DNM3: variants seen among roughly 807,000 people sequenced by gnomAD.
The protein encoded by DNM3 is dynamin-3.
In DNM3, 47 loss-of-function variants were observed where a neutral mutation model predicts 101.6. The observed-to-expected ratio is 0.46, with a 90% CI of 0.37 to 0.59. The LOEUF (loss-of-function observed/expected upper bound fraction) is 0.59. Ranked by LOEUF, DNM3 falls within the 20% of genes least tolerant of loss-of-function variation. DNM3 has a pLI of 0.00. For missense variants in DNM3, 849 were observed against 1,085.7 expected, an observed-to-expected ratio of 0.78 and a Z score of 3.06; for synonymous variants, 385 against 387.9, an observed-to-expected ratio of 0.99 and a Z score of 0.09.
At chr1:172,151,392 G>A (rs901258592) in intron 14 of DNM3, among the ~76,000 whole-genome samples, 3 of 152,284 alleles carry the variant, frequency 2.0e-5, no homozygotes, top group Middle Eastern at 3.4e-3. Context: ...GAGTGGAGCT[G>A]TCACTGAATG....
chr1:171,865,564 C>G (rs1254191047), intron 1 of DNM3, among the ~76,000 whole-genome samples: 1 of 145,484 alleles, frequency 6.9e-6, no homozygotes, highest in East Asian at 2.0e-4. Context: ...ACTGAAGAGG[C>G]AGGACCAAGG....
chr1:172,360,280 G>A (rs2149006939), intron 17 of DNM3, among the ~76,000 whole-genome samples: 1 of 152,054 alleles, frequency 6.6e-6, no homozygotes, highest in Non-Finnish European at 1.5e-5. Flanking sequence ...AAAATGCAAA[G>A]TTTTCTATCT....
chr1:172,282,528 T>C (rs1434477092), intron 15 of DNM3, among the ~76,000 whole-genome samples: 1 of 152,112 alleles, frequency 6.6e-6, no homozygotes, highest in African/African-American at 2.4e-5. Context: ...TTCCATCACA[T>C]CATACTAATT....
At chr1:171,972,869 AAACAAC>A (rs151021588) in intron 2 of DNM3, among the ~76,000 whole-genome samples, 9 of 151,212 alleles carry the variant, frequency 6.0e-5, no homozygotes, top group South Asian at 2.1e-4. Flanking sequence ...CAAAAAACAA[AAACAAC>A]AACAACAACA....
intron 13 of DNM3, among the ~76,000 whole-genome samples, chr1:172,118,460 C>A (rs2056077179): frequency 6.6e-6 from 1 of 152,108 alleles, no homozygotes; most frequent in Admixed American, 6.5e-5. Context: ...TTGTTGCTTC[C>A]CTTTAGGGAT....
chr1:172,318,922 A>G (rs1222174773), intron 16 of DNM3, among the ~76,000 whole-genome samples: 3 of 152,202 alleles, frequency 2.0e-5, no homozygotes, highest in Non-Finnish European at 2.9e-5. Context: ...AAGAGCCTGC[A>G]TCGCCAAGTC....
chr1:172,401,088 T>A (rs2070451954), intron 20 of DNM3, among the ~76,000 whole-genome samples: 1 of 152,208 alleles, frequency 6.6e-6, no homozygotes, highest in African/African-American at 2.4e-5. Flanking sequence ...CTTAACACAG[T>A]ACCTAGTACA....
At chr1:172,281,981 C>T (rs2063508524) in intron 15 of DNM3, among the ~76,000 whole-genome samples, 1 of 152,122 alleles carries the variant, frequency 6.6e-6, no homozygotes, top group Admixed American at 6.5e-5. Context: ...ATTCTTTGCT[C>T]TGAAATTTCT....
intron 14 of DNM3, among the ~76,000 whole-genome samples, chr1:172,217,059 T>C (rs1350232450): frequency 1.3e-5 from 2 of 152,272 alleles, no homozygotes; most frequent in Non-Finnish European, 2.9e-5. Context: ...TTTATAGTTA[T>C]TGGTTACAAT....
At chr1:171,927,838 T>C (rs2040702854) in intron 2 of DNM3, among the ~76,000 whole-genome samples, 1 of 152,202 alleles carries the variant, frequency 6.6e-6, no homozygotes, top group Non-Finnish European at 1.5e-5. Flanking sequence ...TCTATTTCTG[T>C]CATTTCAACC....
chr1:172,109,248 AC>A (rs1360083440), intron 13 of DNM3, among the ~76,000 whole-genome samples: 1 of 152,234 alleles, frequency 6.6e-6, no homozygotes, highest in Non-Finnish European at 1.5e-5. Context: ...TTCTCTTCAA[AC>A]ATCTCTTTCT....
At chr1:172,202,304 T>C (rs1212921770) in intron 14 of DNM3, among the ~76,000 whole-genome samples, 4 of 152,170 alleles carry the variant, frequency 2.6e-5, no homozygotes, top group Non-Finnish European at 5.9e-5. Flanking sequence ...CTCTAAATGT[T>C]TGGTGCAATT....
intron 14 of DNM3, among the ~76,000 whole-genome samples, chr1:172,206,588 G>A (rs1395049792): frequency 2.0e-5 from 3 of 152,026 alleles, no homozygotes; most frequent in African/African-American, 7.2e-5. Flanking sequence ...GTACAATTTG[G>A]TGCCACTGCT....
chr1:172,216,494 G>A (rs535956647), intron 14 of DNM3, among the ~76,000 whole-genome samples: 1 of 152,184 alleles, frequency 6.6e-6, no homozygotes, highest in South Asian at 2.1e-4. Context: ...GTCATGACTA[G>A]ATAAAAGACT....
intron 14 of DNM3, among the ~76,000 whole-genome samples, chr1:172,185,490 G>A (rs1222685890): frequency 6.6e-6 from 1 of 152,054 alleles, no homozygotes; most frequent in Non-Finnish European, 1.5e-5. Flanking sequence ...TTGTAACAGA[G>A]CTTCACCTAA....
chr1:172,255,022 A>G (rs530490177), intron 15 of DNM3, among the ~76,000 whole-genome samples: 26 of 152,234 alleles, frequency 1.7e-4, no homozygotes, highest in African/African-American at 6.3e-4. Flanking sequence ...CCCAGGGTCA[A>G]TCACACAGTA....
intron 1 of DNM3, among the ~76,000 whole-genome samples, chr1:171,880,241 C>T (rs1320311842): frequency 6.6e-6 from 1 of 151,866 alleles, no homozygotes; most frequent in Non-Finnish European, 1.5e-5. Flanking sequence ...TTGTATATTA[C>T]AGTCTCCAAG....
intron 1 of DNM3, among the ~76,000 whole-genome samples, chr1:171,871,784 T>C (rs1013734630): frequency 1.3e-5 from 2 of 152,214 alleles, no homozygotes; most frequent in South Asian, 4.1e-4. Context: ...TAAGAGGTAG[T>C]AAATTATTTC....
chr1:172,360,492 C>CTTTTTCCTCCAGG (rs11268548), intron 17 of DNM3, among the ~76,000 whole-genome samples: 150,726 of 152,018 alleles, frequency 0.99, 74,733 homozygotes, highest in East Asian at 1. Context: ...AATTTGTTTA[C>CTTTTTCCTCCAGG]TTTTACTTCC....
Sources: allele counts gnomAD v4.1 joint callset (sites outside exome capture counted in the v4.1 genomes callset), GRCh38; gene constraint gnomAD v4.1.1; transcripts MANE v1.5; gene names NCBI Gene and HGNC (gene_info 2026-07-23, HGNC 2026-07-21).